PCDHA1: variants seen among roughly 807,000 people sequenced by gnomAD.
PCDHA1 encodes protocadherin alpha-1.
Under a neutral mutation model 61.3 loss-of-function variants are expected in PCDHA1, and 42 were observed. The observed-to-expected ratio is 0.69, with a 90% CI of 0.54 to 0.89. The LOEUF (loss-of-function observed/expected upper bound fraction) is 0.89. Among genes scored for constraint, PCDHA1 ranks in the 40% least tolerant of loss-of-function variants. The probability of loss-of-function intolerance (pLI) is 0.00; values close to 1 mark genes in which losing one functional copy is unlikely to be tolerated. For synonymous variants in PCDHA1, 610 were observed against 553.8 expected, an observed-to-expected ratio of 1.10 and a Z score of -1.43; for missense variants, 1,256 against 1,235.3, an observed-to-expected ratio of 1.02 and a Z score of -0.25.
chr5:140,823,691 C>G, intron 1 of PCDHA1: 1 of 1,613,980 alleles, frequency 6.2e-7, no homozygotes, highest in Non-Finnish European at 8.5e-7. Context: ...CTGGATGAGA[C>G]CGAAGCACCG....
At chr5:140,921,367 T>C (rs1165325497) in intron 1 of PCDHA1, among the ~76,000 whole-genome samples, 1 of 152,182 alleles carries the variant, frequency 6.6e-6, no homozygotes, top group African/African-American at 2.4e-5. Context: ...TCAAGTTTCA[T>C]ATTTCTACAT....
chr5:141,001,670 C>T (rs1554258276), intron 3 of PCDHA1, among the ~76,000 whole-genome samples: 1 of 151,900 alleles, frequency 6.6e-6, no homozygotes, highest in African/African-American at 2.4e-5. Flanking sequence ...CTTGTCCAGT[C>T]GGTCCAACAA....
intron 1 of PCDHA1, among the ~76,000 whole-genome samples, chr5:140,956,211 TCCTTG>T (rs2095268091): frequency 6.6e-6 from 1 of 152,198 alleles, no homozygotes; most frequent in Non-Finnish European, 1.5e-5. Flanking sequence ...AAAGAGGGCA[TCCTTG>T]TCTTGTGCTG....
intron 1 of PCDHA1, among the ~76,000 whole-genome samples, chr5:140,949,914 C>T (rs941651578): frequency 1.3e-5 from 2 of 151,190 alleles, no homozygotes; most frequent in African/African-American, 4.8e-5. Context: ...TTAGATATAA[C>T]TATTTTTAGA....
chr5:140,803,067 G>C, intron 1 of PCDHA1: 2 of 1,613,946 alleles, frequency 1.2e-6, no homozygotes, highest in African/African-American at 2.7e-5. Context: ...CCCGTTTCGC[G>C]TGGGGCTGTA....
At chr5:140,868,877 C>A in intron 1 of PCDHA1, 1 of 684,342 alleles carries the variant, frequency 1.5e-6, no homozygotes, top group Non-Finnish European at 2.3e-6. Flanking sequence ...GCACAGTACT[C>A]ACAGTTTTAG....
intron 1 of PCDHA1, chr5:140,968,681 A>G: frequency 1.9e-6 from 3 of 1,614,158 alleles, no homozygotes; most frequent in Non-Finnish European, 2.5e-6. Context: ...AGAGCTGCAC[A>G]CAGGAGAAAT....
At chr5:140,894,554 G>GA (rs1204407145) in intron 1 of PCDHA1, among the ~76,000 whole-genome samples, 2 of 151,600 alleles carry the variant, frequency 1.3e-5, no homozygotes, top group Non-Finnish European at 2.9e-5. Flanking sequence ...GTTTACTTCT[G>GA]AAAAAATTAT....
chr5:140,792,691 C>G (rs368509614), intron 1 of PCDHA1, among the ~76,000 whole-genome samples: 55 of 152,320 alleles, frequency 3.6e-4, no homozygotes, highest in African/African-American at 1.2e-3. Context: ...GAAATTGTCT[C>G]AAGCAAGCCA....
intron 1 of PCDHA1, chr5:140,797,037 T>C: frequency 6.2e-7 from 1 of 1,613,694 alleles, no homozygotes; most frequent in South Asian, 1.1e-5. Context: ...GCTCAGAGGC[T>C]ACGCTGGTGG....
At chr5:140,898,705 A>G (rs1351081569) in intron 1 of PCDHA1, among the ~76,000 whole-genome samples, 2 of 152,142 alleles carry the variant, frequency 1.3e-5, no homozygotes, top group African/African-American at 4.8e-5. Flanking sequence ...ACTTTAAAGT[A>G]GTTTTTTCCA....
intron 1 of PCDHA1, chr5:140,834,264 CTT>C: frequency 9.9e-7 from 1 of 1,010,524 alleles, no homozygotes; most frequent in Admixed American, 2.4e-5. Context: ...GCTCCACTCT[CTT>C]TCACTCTTTG....
chr5:140,957,138 C>G (rs1554222835), intron 1 of PCDHA1, among the ~76,000 whole-genome samples: 1 of 151,982 alleles, frequency 6.6e-6, no homozygotes, highest in African/African-American at 2.4e-5. Flanking sequence ...ACACTATGAA[C>G]TAAAAATTTT....
At position 140,877,299 on chromosome 5, in the gene PCDHA1, C is replaced by A. The variant is rs374061607; in HGVS notation, c.2394+88615C>A. 1,401 of 1,613,926 alleles carry A rather than the reference C, an allele frequency of 8.7e-4. 20 individuals carry two copies. The South Asian group carries it at 0.013, about 15-fold the overall frequency. On this transcript the variant is annotated intron_variant, in intron 1 of 3. Transcript: ENST00000504120. ...CCGGCTATAACGCTTGGCTGTCCTA[C>A]GAGTTGCAACCGGCGGCGGTCGGCG...
Position 141,010,819 on chromosome 5 carries a change from TG to T in PCDHA1, c.*883del, listed in dbSNP as rs2098418471. ...AAAACCCCGACACCTCACCTTTCGCTGTTTGTTGTTTCATAGATTTATTTAA... is the reference window on the plus strand; with the variant it reads ...AAAACCCCGACACCTCACCTTTCGCTTTTGTTGTTTCATAGATTTATTTAA... On this transcript the variant is annotated 3_prime_UTR_variant, in exon 4 of 4. Coordinates refer to ENST00000504120, the MANE Select transcript of PCDHA1 (RefSeq NM_018900.4). The T allele has an allele frequency of 6.5e-6, 1 of 153,784 alleles. No individual in the cohort carries two copies. The highest frequency in any genetic ancestry group is 2.1e-4 in the South Asian group (1 of 4,838). 9.5% of individuals were successfully genotyped at this position (153,784 alleles called of 1,614,324 possible).
chr5:140,923,200 G>C (rs2081224774), intron 1 of PCDHA1, among the ~76,000 whole-genome samples: 1 of 152,166 alleles, frequency 6.6e-6, no homozygotes, highest in Admixed American at 6.5e-5. Flanking sequence ...AGCAATTTGG[G>C]AGGCTAAGGT....
chr5:140,798,823 A>G (rs1762366284), intron 1 of PCDHA1, among the ~76,000 whole-genome samples: 1 of 152,232 alleles, frequency 6.6e-6, no homozygotes, highest in Non-Finnish European at 1.5e-5. Context: ...AACCAAAGGC[A>G]GATGTATTGC....
chr5:140,948,005 T>G (rs246049), intron 1 of PCDHA1, among the ~76,000 whole-genome samples: 85,182 of 151,072 alleles, frequency 0.56, 24,606 homozygotes, highest in African/African-American at 0.69. Flanking sequence ...TTATTAAATT[T>G]AGGAAGTACC....
In PCDHA1 at chr5:140,842,901, A is replaced by G. The variant is rs150252824; in HGVS notation, c.2394+54217A>G. ...GCGCTGCAGCCGCTGGACCACGAGG[A>G]GCTAGAGCTGCTGCAGTTCCAGGTG... On this transcript the variant is annotated intron_variant, in intron 1 of 3. Transcript: ENST00000504120. 211 of 1,594,012 alleles carry G rather than the reference A, an allele frequency of 1.3e-4. 20 individuals carry two copies. Among genetic ancestry groups the G allele is most frequent in the Non-Finnish European group, 1.7e-4 (198 of 1,165,384 alleles).
Sources: gnomAD v4.1 joint callset for allele counts (sites outside exome capture counted in the v4.1 genomes callset) on GRCh38, gnomAD v4.1.1 for gene constraint, MANE v1.5 for transcripts, NCBI Gene and HGNC (gene_info 2026-07-23, HGNC 2026-07-21) for gene names.